Variants in LOXL1 observed in about 807,000 individuals in gnomAD.
The protein encoded by LOXL1 is lysyl oxidase homolog 1.
Under a neutral mutation model 62.2 loss-of-function variants are expected in LOXL1, and 31 were observed. The observed-to-expected ratio is 0.50, with a 90% CI of 0.37 to 0.67. The LOEUF (loss-of-function observed/expected upper bound fraction) is 0.67, where lower values mean the gene tolerates loss of function less well. Among genes scored for constraint, LOXL1 ranks in the 30% least tolerant of loss-of-function variants. The probability of loss-of-function intolerance (pLI) is 0.00; values close to 1 mark genes in which losing one functional copy is unlikely to be tolerated. For missense variants in LOXL1, 775 were observed against 843.4 expected, an observed-to-expected ratio of 0.92 and a Z score of 1.00; for synonymous variants, 403 against 384.4, an observed-to-expected ratio of 1.05 and a Z score of -0.56.
rs771277674 is a variant in LOXL1, at chr15:73,949,533, C to T, written c.1677C>T (p.Tyr559=). 9 of 1,614,000 alleles carry T rather than the reference C, an allele frequency of 5.6e-6. 1 individual carries two copies. In the South Asian group the frequency reaches 8.8e-5, roughly 16 times the overall value. The change falls in exon 6 of 7, where the codon TAC becomes TAT. Residue 559 remains tyrosine (Y), a synonymous_variant. Coordinates refer to ENST00000261921, the MANE Select transcript of LOXL1 (RefSeq NM_005576.4). ...ACGTGGTGAGATGCAACATTCACTA[C>T]ACAGGTCGCTACGTTTCTGCAACAA... is the stretch of plus-strand genomic sequence containing the variant. ...TNNVVRCNIH[Y]TGRYVSATNC... is the part of the protein sequence containing the mutation.
chr15:73,952,135 T>C lies in LOXL1; in HGVS notation c.*298T>C, dbSNP rs1236228395. On this transcript the variant is annotated 3_prime_UTR_variant, in exon 7 of 7. Coordinates refer to ENST00000261921, the MANE Select transcript of LOXL1 (RefSeq NM_005576.4). Reference sequence around the variant, plus strand: ...TGGGCTGAATAAAACAAGGTTTTTCTACTCTGTGGCTCTGCATGCGGCCTG... The same window carrying C: ...TGGGCTGAATAAAACAAGGTTTTTCCACTCTGTGGCTCTGCATGCGGCCTG... 2.1e-5 allele frequency: 7 copies of C among 332,126 alleles called. No individual in the cohort carries two copies. Among genetic ancestry groups the C allele is most frequent in the Non-Finnish European group, 3.8e-5 (7 of 183,544 alleles). The allele number at this position is 332,126 out of a possible 1,614,324, so 20.6% of individuals were successfully genotyped here.
chr15:73,951,795 C>A, intron 6 of LOXL1, 36 bp from the exon 7 acceptor site: 1 of 1,523,142 alleles, frequency 6.6e-7, no homozygotes, highest in African/African-American at 1.4e-5. Context: ...GCCTACTTTG[C>A]AGCCCCTCAT....
rs772862367 is a variant in LOXL1 at position 73,942,898 on chromosome 15, A to G, written c.1147A>G (p.Thr383Ala). The change falls in exon 2 of 7, where the codon ACT (threonine) becomes GCT (alanine). Residue 383 changes from threonine (T) to alanine (A), a missense_variant. Thr to Ala is a moderately conservative substitution (Grantham distance 58). Coordinates refer to ENST00000261921, the MANE Select transcript of LOXL1 (RefSeq NM_005576.4). ...AGACCCCAACTATGTGCAAGCATCC[A>G]CTTATGTGCAGAGAGCCCACCTGTA... Reference protein sequence around the residue: ...VPDPNYVQASTYVQRAHLYSL... With the variant: ...VPDPNYVQASAYVQRAHLYSL... 12 of 1,613,906 alleles carry G rather than the reference A, an allele frequency of 7.4e-6. No individual in the cohort carries two copies. In the South Asian group the frequency reaches 1.1e-4, roughly 15 times the overall value.
At chr15:73,949,318 T>A in intron 5 of LOXL1, 141 bp from the exon 6 acceptor site, 3 of 700,836 alleles carry the variant, frequency 4.3e-6, no homozygotes. Flanking sequence ...TCTGTGTCTC[T>A]CTAGCAGTGT....
Position 73,951,873 on chromosome 15 carries a change from C to A in LOXL1, c.*36C>A, listed in dbSNP as rs769796030. On this transcript the variant is annotated 3_prime_UTR_variant, in exon 7 of 7. Transcript: ENST00000261921. ...GGACAGATGGCCAATCTCTCCCCTTCCAAAGCAGGCCCTGCTCCCCGGGCA... is the reference window on the plus strand; with the variant it reads ...GGACAGATGGCCAATCTCTCCCCTTACAAAGCAGGCCCTGCTCCCCGGGCA... The A allele has an allele frequency of 2.0e-6, 3 of 1,507,940 alleles. No individual in the cohort carries two copies. The highest frequency in any genetic ancestry group is 8.9e-7 in the Non-Finnish European group (1 of 1,121,086). 93.4% of individuals were successfully genotyped at this position (1,507,940 alleles called of 1,614,324 possible).
chr15:73,944,135 C>T (rs908833948), intron 2 of LOXL1, among the ~76,000 whole-genome samples: 2 of 152,222 alleles, frequency 1.3e-5, no homozygotes, highest in Non-Finnish European at 2.9e-5. Flanking sequence ...GAGTACCACT[C>T]AGCCAGCCTG....
Position 73,947,862 on chromosome 15 carries a change from T to C in LOXL1, c.1562T>C (p.Ile521Thr). ...TYNADIDCQW[I>T]DITDVQPGNY... Reference sequence around the variant, plus strand: ...AATGCGGACATCGACTGCCAGTGGATCGACATAACCGACGTGCAGCCTGGG... The same window carrying C: ...AATGCGGACATCGACTGCCAGTGGACCGACATAACCGACGTGCAGCCTGGG... Residue 521 changes from isoleucine to threonine, a missense_variant, in exon 5 of 7, where the codon ATC becomes ACC. Transcript: ENST00000261921. The C allele has an allele frequency of 6.2e-7, 1 of 1,613,890 alleles. No homozygotes were observed. Among genetic ancestry groups the C allele is most frequent in the South Asian group, 1.1e-5 (1 of 91,060 alleles).
chr15:73,942,919 C>A lies in LOXL1; in HGVS notation c.1168C>A (p.Leu390Met). 6.2e-7 allele frequency: 1 copy of A among 1,614,084 alleles called. No individual in the cohort carries two copies. The highest frequency in any genetic ancestry group is 8.5e-7 in the Non-Finnish European group (1 of 1,179,952). The change falls in exon 2 of 7, where the codon CTG becomes ATG. Residue 390 changes from leucine to methionine, a missense_variant. Coordinates refer to ENST00000261921, the MANE Select transcript of LOXL1 (RefSeq NM_005576.4). ...ATCCACTTATGTGCAGAGAGCCCAC[C>A]TGTACTCCCTGCGCTGTGCTGCGGA... ...QASTYVQRAH[L>M]YSLRCAAEEK...
chr15:73,948,527 A>C (rs765972432), intron 5 of LOXL1, among the ~76,000 whole-genome samples: 1 of 152,198 alleles, frequency 6.6e-6, no homozygotes, highest in Non-Finnish European at 1.5e-5. Flanking sequence ...AGTAGGGATC[A>C]TTCCACCAGT....
chr15:73,939,691 A>G (rs1199885515), intron 1 of LOXL1, among the ~76,000 whole-genome samples: 1 of 152,214 alleles, frequency 6.6e-6, no homozygotes, highest in Non-Finnish European at 1.5e-5. Flanking sequence ...ACGGCTTTAT[A>G]CATTTGTTAG....
chr15:73,943,389 G>T (rs532022456), intron 2 of LOXL1, among the ~76,000 whole-genome samples: 4 of 152,334 alleles, frequency 2.6e-5, no homozygotes, highest in Admixed American at 2.6e-4. Context: ...CCTATTGGGT[G>T]GATGTACCTG....
At chr15:73,940,331 T>G (rs2068705308) in intron 1 of LOXL1, among the ~76,000 whole-genome samples, 1 of 152,092 alleles carries the variant, frequency 6.6e-6, no homozygotes, top group Admixed American at 6.5e-5. Flanking sequence ...CTGTTTGTCC[T>G]TAGTCTCTCT....
chr15:73,940,573 G>A (rs1595846851), intron 1 of LOXL1, among the ~76,000 whole-genome samples: 1 of 152,118 alleles, frequency 6.6e-6, no homozygotes, highest in African/African-American at 2.4e-5. Context: ...CAGGATCAGG[G>A]CTCGGTGTGT....
chr15:73,927,782 G>A lies in LOXL1; in HGVS notation c.999G>A (p.Pro333=), dbSNP rs555933908. The change falls in exon 1 of 7, where the codon CCG becomes CCA. Residue 333 remains proline, a synonymous_variant. Coordinates refer to ENST00000261921, the MANE Select transcript of LOXL1 (RefSeq NM_005576.4). ...GCGCGCTGGAGCCGCCCTACCTGCC[G>A]GTGCGCAGCTCCGACACGCCCCCGC... ...PPRALEPPYL[P]VRSSDTPPPG... is the part of the protein sequence containing the mutation. The A allele has an allele frequency of 9.6e-5, 137 of 1,423,282 alleles. 1 individual carries two copies. The South Asian group carries it at 1.7e-3, about 18-fold the overall frequency. The allele number at this position is 1,423,282 out of a possible 1,614,324, so 88.2% of individuals were successfully genotyped here. A position where few individuals can be genotyped will look rare whatever the true frequency, so the allele number is the denominator to read the frequency against.
chr15:73,947,321 G>C, intron 4 of LOXL1, 98 bp downstream of exon 4: 1 of 1,364,726 alleles, frequency 7.3e-7, no homozygotes, highest in Non-Finnish European at 1.0e-6. Context: ...CAAGGCTTCT[G>C]GCCACTCAGC....
chr15:73,938,561 A>C (rs2068692241), intron 1 of LOXL1, among the ~76,000 whole-genome samples: 1 of 152,094 alleles, frequency 6.6e-6, no homozygotes, highest in Non-Finnish European at 1.5e-5. Context: ...AAATACAAAA[A>C]TTAGCCAGGC....
intron 6 of LOXL1, among the ~76,000 whole-genome samples, chr15:73,950,519 A>G (rs2068776835): frequency 6.6e-6 from 1 of 151,982 alleles, no homozygotes; most frequent in East Asian, 1.9e-4. Context: ...GTGTGTGACA[A>G]GGGTTAGGAC....
intron 1 of LOXL1, among the ~76,000 whole-genome samples, chr15:73,935,085 C>T (rs1379755240): frequency 2.6e-5 from 4 of 152,168 alleles, no homozygotes; most frequent in African/African-American, 4.8e-5. Flanking sequence ...GGGAGCTTGT[C>T]GGCCATTGTA....
At chr15:73,946,699 CTT>C in intron 3 of LOXL1, 145 bp downstream of exon 3, 1 of 958,694 alleles carries the variant, frequency 1.0e-6, no homozygotes, top group Non-Finnish European at 1.5e-6. Context: ...CCTGCCAACT[CTT>C]TTCACTGGGG....
Sources: gnomAD v4.1 joint callset for allele counts (sites outside exome capture counted in the v4.1 genomes callset) on GRCh38, gnomAD v4.1.1 for gene constraint, MANE v1.5 for transcripts, NCBI Gene and HGNC (gene_info 2026-07-23, HGNC 2026-07-21) for gene names.